The following CSMD1 variants were observed in gnomAD, a reference collection of about 807,000 sequenced individuals.
The protein encoded by CSMD1 is CUB and Sushi multiple domains 1.
In CSMD1, 213 loss-of-function variants were observed where a neutral mutation model predicts 417.5. That is an observed-to-expected ratio of 0.51 (90% CI 0.46 to 0.57). CSMD1 has a LOEUF of 0.57. Among genes scored for constraint, CSMD1 ranks in the 20% least tolerant of loss-of-function variants. The pLI is 0.00. For missense variants in CSMD1, 6,923 were observed against 4,529.7 expected (o/e 1.53, Z -15.17); for synonymous variants, 2,862 against 1,736.8 (o/e 1.65, Z -16.11).
chr8:3,871,284 T>A (rs1354619984), intron 5 of CSMD1, among the ~76,000 whole-genome samples: 1 of 152,136 alleles, frequency 6.6e-6, no homozygotes, highest in Non-Finnish European at 1.5e-5. Flanking sequence ...AATAAAAAGC[T>A]GCACTGATTT....
At position 4,759,254 on chromosome 8, in the gene CSMD1, CTGCCCTCAGGAAGGA is replaced by C. The variant is rs1386967692; in HGVS notation, c.86-121711_86-121697del. Among the ~76,000 whole-genome samples, 3 of 152,248 alleles carry C rather than the reference CTGCCCTCAGGAAGGA, an allele frequency of 2.0e-5. No individual in the cohort carries two copies. The South Asian group carries it at 6.2e-4, about 32-fold the overall frequency. ...CACCATCAGTGTCGTTGGATGATGA[CTGCCCTCAGGAAGGA>C]TGCCACCAGGGAAGGAAGCTCTTTC... On this transcript the variant is annotated intron_variant, in intron 1 of 69. Transcript: ENST00000635120.
chr8:4,650,727 T>C (rs186432415), intron 1 of CSMD1, among the ~76,000 whole-genome samples: 2 of 152,226 alleles, frequency 1.3e-5, no homozygotes, highest in African/African-American at 4.8e-5. Context: ...TAATTAGAGA[T>C]TTGAGAGCAG....
intron 5 of CSMD1, among the ~76,000 whole-genome samples, chr8:3,895,459 G>A (rs966483327): frequency 6.6e-6 from 1 of 151,962 alleles, no homozygotes; most frequent in Non-Finnish European, 1.5e-5. Flanking sequence ...TTAAATCTTA[G>A]CAGACAAAAA....
chr8:3,007,485 G>A (rs534241150), intron 52 of CSMD1, among the ~76,000 whole-genome samples: 4 of 151,342 alleles, frequency 2.6e-5, no homozygotes, highest in South Asian at 2.1e-4. Flanking sequence ...TGTTTATTGC[G>A]GCATTATTCA....
intron 1 of CSMD1, among the ~76,000 whole-genome samples, chr8:4,777,030 C>T (rs540976622): frequency 2.3e-4 from 35 of 152,090 alleles, no homozygotes; most frequent in Non-Finnish European, 3.8e-4. Flanking sequence ...TAGTAAAGTT[C>T]GGTGTGTTGC....
At chr8:4,589,895 C>T (rs1412880308) in intron 2 of CSMD1, among the ~76,000 whole-genome samples, 1 of 152,140 alleles carries the variant, frequency 6.6e-6, no homozygotes, top group African/African-American at 2.4e-5. Flanking sequence ...TGAGACCTGC[C>T]TTCTGACACC....
At chr8:3,296,115 T>C (rs1803945775) in intron 25 of CSMD1, among the ~76,000 whole-genome samples, 2 of 151,692 alleles carry the variant, frequency 1.3e-5, no homozygotes, top group Non-Finnish European at 2.9e-5. Context: ...AATAAAAAAG[T>C]AGACAGGAAA....
At chr8:4,245,752 C>T (rs1023603345) in intron 3 of CSMD1, among the ~76,000 whole-genome samples, 5 of 151,866 alleles carry the variant, frequency 3.3e-5, no homozygotes, top group African/African-American at 7.3e-5. Flanking sequence ...TAAGTCAGGC[C>T]GTATCACCCA....
At chr8:3,939,726 A>G (rs1810749356) in intron 5 of CSMD1, among the ~76,000 whole-genome samples, 2 of 152,126 alleles carry the variant, frequency 1.3e-5, no homozygotes, top group Admixed American at 6.6e-5. Flanking sequence ...AGCAACTTGG[A>G]TGAACCTGGA....
At chr8:3,273,813 CCTCT>C (rs1289017898) in intron 26 of CSMD1, among the ~76,000 whole-genome samples, 1 of 151,814 alleles carries the variant, frequency 6.6e-6, no homozygotes, top group Non-Finnish European at 1.5e-5. Context: ...CTATTTGATT[CCTCT>C]CTGTTTTTTT....
intron 10 of CSMD1, among the ~76,000 whole-genome samples, chr8:3,566,476 AG>A (rs1237484544): frequency 6.6e-6 from 1 of 152,104 alleles, no homozygotes; most frequent in Non-Finnish European, 1.5e-5. Context: ...CACCTCCACC[AG>A]CCCCTCCTGG....
chr8:4,650,172 C>T (rs1341549650), intron 1 of CSMD1, among the ~76,000 whole-genome samples: 5 of 151,582 alleles, frequency 3.3e-5, no homozygotes, highest in Admixed American at 2.6e-4. Context: ...GGTGAAACCC[C>T]GTCTCTAATA....
intron 3 of CSMD1, among the ~76,000 whole-genome samples, chr8:4,091,914 G>A (rs1800742394): frequency 6.6e-6 from 1 of 152,156 alleles, no homozygotes; most frequent in Admixed American, 6.5e-5. Flanking sequence ...AATAGTCAGT[G>A]CTCCCAGTTC....
chr8:3,377,116 C>G (rs1479577074), intron 18 of CSMD1, among the ~76,000 whole-genome samples: 2 of 148,646 alleles, frequency 1.3e-5, no homozygotes, highest in African/African-American at 2.4e-5. Flanking sequence ...TCAAGTGATC[C>G]CCCTGCCTCA....
chr8:4,863,071 G>A (rs1802229964), intron 1 of CSMD1, among the ~76,000 whole-genome samples: 1 of 152,028 alleles, frequency 6.6e-6, no homozygotes, highest in South Asian at 2.1e-4. Flanking sequence ...TGATTCTGGT[G>A]AACACTGTTA....
At chr8:4,174,526 T>C (rs1204575804) in intron 3 of CSMD1, among the ~76,000 whole-genome samples, 1 of 151,020 alleles carries the variant, frequency 6.6e-6, no homozygotes, top group Non-Finnish European at 1.5e-5. Flanking sequence ...ATGACCCCCA[T>C]GTCCACCCAC....
intron 36 of CSMD1, chr8:3,182,841 G>GTGTGTGT (rs1554454771): frequency 8.7e-5 from 1 of 11,470 alleles, no homozygotes; most frequent in East Asian, 6.0e-3. Context: ...TTTATAAGAA[G>GTGTGTGT]GTGTGTGTGT....
At chr8:4,628,409 CAT>C (rs58486153) in intron 2 of CSMD1, among the ~76,000 whole-genome samples, 10,384 of 140,568 alleles carry the variant, frequency 0.074, 595 homozygotes, top group East Asian at 0.19. Context: ...TATATATACA[CAT>C]ATATATACAT....
At chr8:3,506,900 A>G (rs1796850289) in intron 10 of CSMD1, among the ~76,000 whole-genome samples, 5 of 152,232 alleles carry the variant, frequency 3.3e-5, no homozygotes, top group Admixed American at 3.3e-4. Flanking sequence ...GATAATTTGA[A>G]AATAAATATT....
Sources: gnomAD v4.1 joint callset for allele counts (sites outside exome capture counted in the v4.1 genomes callset) on GRCh38, gnomAD v4.1.1 for gene constraint, MANE v1.5 for transcripts, NCBI Gene and HGNC (gene_info 2026-07-23, HGNC 2026-07-21) for gene names.